The following RBM6 variants were observed in gnomAD, a reference collection of about 807,000 sequenced individuals.
RBM6 encodes the protein RNA binding motif protein 6.
RBM6 carries 23 observed loss-of-function variants against 140.4 expected under a neutral mutation model. The observed-to-expected ratio is 0.16, with a 90% CI of 0.12 to 0.23. RBM6 has a LOEUF of 0.23. Among genes scored for constraint, RBM6 ranks in the 10% least tolerant of loss-of-function variants. RBM6 has a pLI of 1.00. For synonymous variants in RBM6, 439 were observed against 475.6 expected (o/e 0.92, Z 1.00); for missense variants, 1,139 against 1,386.7 (o/e 0.82, Z 2.84).
intron 6 of RBM6, among the ~76,000 whole-genome samples, chr3:50,044,861 A>C (rs1007523787): frequency 1.1e-4 from 17 of 152,222 alleles, no homozygotes; most frequent in African/African-American, 4.1e-4. Context: ...TTATTAAACA[A>C]TTGGCTATAT....
At chr3:49,966,746 T>C (rs2084533299) in intron 2 of RBM6, among the ~76,000 whole-genome samples, 1 of 152,076 alleles carries the variant, frequency 6.6e-6, no homozygotes, top group African/African-American at 2.4e-5. Flanking sequence ...ACATGCTTTG[T>C]GGCATGATTC....
chr3:49,940,273 A>T (rs2083226383), intron 1 of RBM6, 48 bp downstream of exon 1: 1 of 152,358 alleles, frequency 6.6e-6, no homozygotes, highest in African/African-American at 2.4e-5. Context: ...CTGCCAGGGA[A>T]TAGCCAGCAG....
At chr3:50,043,347 G>T (rs886957124) in intron 6 of RBM6, among the ~76,000 whole-genome samples, 7 of 151,772 alleles carry the variant, frequency 4.6e-5, no homozygotes, top group Non-Finnish European at 7.4e-5. Context: ...TCCCGGTGTA[G>T]TGGCGCACAC....
intron 6 of RBM6, among the ~76,000 whole-genome samples, chr3:50,022,688 ATTAG>A (rs2087565218): frequency 6.6e-6 from 1 of 152,116 alleles, no homozygotes; most frequent in Non-Finnish European, 1.5e-5. Flanking sequence ...ACATTTGATT[ATTAG>A]TTATTCATAT....
chr3:49,951,677 T>C (rs1445805521), intron 1 of RBM6, among the ~76,000 whole-genome samples: 1 of 151,736 alleles, frequency 6.6e-6, no homozygotes, highest in Non-Finnish European at 1.5e-5. Context: ...TTCAAGTGAT[T>C]CTCCTGCCTC....
At chr3:50,060,127 C>CTCTA (rs2108916569) in intron 11 of RBM6, among the ~76,000 whole-genome samples, 1 of 152,200 alleles carries the variant, frequency 6.6e-6, no homozygotes, top group South Asian at 2.1e-4. Flanking sequence ...AACCACTGTA[C>CTCTA]TCTACCCTGG....
intron 6 of RBM6, among the ~76,000 whole-genome samples, chr3:50,007,622 TC>T (rs2086644349): frequency 6.6e-6 from 1 of 151,810 alleles, no homozygotes; most frequent in Admixed American, 6.6e-5. Flanking sequence ...ATGCTCCGCC[TC>T]CCGGGTTCAC....
At chr3:49,974,373 A>G (rs1394076233) in intron 4 of RBM6, among the ~76,000 whole-genome samples, 1 of 139,682 alleles carries the variant, frequency 7.2e-6, no homozygotes, top group Non-Finnish European at 1.6e-5. Context: ...CTCCTGGCTA[A>G]TTTTTTTTTT....
At chr3:50,047,112 T>G (rs777411787) in intron 6 of RBM6, 1 of 958,050 alleles carries the variant, frequency 1.0e-6, no homozygotes, top group Non-Finnish European at 1.2e-6. Context: ...GACAAGACAA[T>G]AATTTTATCC....
chr3:49,991,231 A>AGT (rs1454021199), intron 5 of RBM6, among the ~76,000 whole-genome samples: 8 of 152,192 alleles, frequency 5.3e-5, no homozygotes, highest in African/African-American at 1.9e-4. Context: ...TGAGTGTAGG[A>AGT]GTCTCTGTCC....
intron 1 of RBM6, among the ~76,000 whole-genome samples, chr3:49,946,521 T>C (rs1224855488): frequency 1.3e-5 from 2 of 151,932 alleles, no homozygotes; most frequent in Non-Finnish European, 2.9e-5. Context: ...ATTATAAGCA[T>C]GAGCCACCGC....
chr3:50,046,841 C>G lies in RBM6; in HGVS notation c.1558-1404C>G, dbSNP rs371322100. 3.3e-5 allele frequency among the ~76,000 whole-genome samples: 5 copies of G among 152,276 alleles called. No individual in the cohort carries two copies. The South Asian group carries it at 6.2e-4, about 19-fold the overall frequency. On this transcript the variant is annotated intron_variant, in intron 6 of 20. Coordinates refer to ENST00000266022, the MANE Select transcript of RBM6 (RefSeq NM_005777.3). ...CTTCTCTACAGCCCAGATGTAAGTC[C>G]AGCTGTGCCCTTCACCACCTGGGTG...
intron 9 of RBM6, 63 bp from the exon 10 acceptor site, chr3:50,058,339 G>T (rs1488858383): frequency 6.6e-7 from 1 of 1,512,006 alleles, no homozygotes; most frequent in Non-Finnish European, 9.1e-7. Context: ...CAGATTCTTG[G>T]GACTTCAAAA....
At chr3:49,997,721 C>T (rs1190774875) in intron 5 of RBM6, among the ~76,000 whole-genome samples, 2 of 152,126 alleles carry the variant, frequency 1.3e-5, no homozygotes, top group African/African-American at 2.4e-5. Flanking sequence ...TTAGTTCCTT[C>T]TGTTATTCTG....
intron 6 of RBM6, among the ~76,000 whole-genome samples, chr3:50,044,352 T>C (rs1005154242): frequency 1.3e-5 from 2 of 151,824 alleles, no homozygotes; most frequent in Non-Finnish European, 2.9e-5. Flanking sequence ...GGCTGGGCGC[T>C]GGGGCTCATG....
intron 13 of RBM6, 88 bp downstream of exon 13, chr3:50,061,309 A>G: frequency 1.2e-6 from 2 of 1,602,100 alleles, no homozygotes; most frequent in East Asian, 4.5e-5. Context: ...AGTTGGCAAG[A>G]TACACTGTTG....
At chr3:50,012,331 A>C (rs2086886993) in intron 6 of RBM6, among the ~76,000 whole-genome samples, 1 of 151,994 alleles carries the variant, frequency 6.6e-6, no homozygotes, top group South Asian at 2.1e-4. Context: ...TACAGGCATG[A>C]ACCACCATGC....
At chr3:50,021,058 A>G (rs2087449903) in intron 6 of RBM6, among the ~76,000 whole-genome samples, 1 of 152,124 alleles carries the variant, frequency 6.6e-6, no homozygotes, top group African/African-American at 2.4e-5. Context: ...TTCTATTGTG[A>G]TCTGAGAGCA....
intron 5 of RBM6, among the ~76,000 whole-genome samples, chr3:49,984,601 A>ATCGCATCGCATCG (rs1559552631): frequency 2.6e-4 from 24 of 91,690 alleles, no homozygotes; most frequent in African/African-American, 9.3e-4. Context: ...ACATCACATC[A>ATCGCATCGCATCG]CATCACATCA....
Sources: gnomAD v4.1 joint callset for allele counts (sites outside exome capture counted in the v4.1 genomes callset) on GRCh38, gnomAD v4.1.1 for gene constraint, MANE v1.5 for transcripts, NCBI Gene and HGNC (gene_info 2026-07-23, HGNC 2026-07-21) for gene names.